Variants in SGCZ observed in about 807,000 individuals in gnomAD.
The protein encoded by SGCZ is zeta-sarcoglycan.
In SGCZ, 40 loss-of-function variants were observed where a neutral mutation model predicts 41.3. The ratio of observed to expected loss-of-function variants is 0.97; its 90% confidence interval spans 0.75 to 1.26. SGCZ has a LOEUF of 1.26. Among genes scored for constraint, SGCZ ranks in the 50% most tolerant of loss-of-function variants. The pLI is 0.00. For missense variants in SGCZ, 552 were observed against 369.8 expected (o/e 1.49, Z -4.04); for synonymous variants, 206 against 137.5 (o/e 1.50, Z -3.49).
chr8:14,573,082 G>A (rs1048881238), intron 1 of SGCZ, among the ~76,000 whole-genome samples: 16 of 151,954 alleles, frequency 1.1e-4, no homozygotes, highest in Admixed American at 2.0e-4. Context: ...ACTGGTGGTA[G>A]GTAGTTATTA....
At chr8:14,254,313 G>T (rs549735491) in intron 3 of SGCZ, among the ~76,000 whole-genome samples, 4 of 152,304 alleles carry the variant, frequency 2.6e-5, no homozygotes, top group South Asian at 4.1e-4. Context: ...ACTAGCATTT[G>T]ATCTTCGCTC....
At chr8:14,733,364 A>G (rs1380109336) in intron 1 of SGCZ, among the ~76,000 whole-genome samples, 1 of 152,144 alleles carries the variant, frequency 6.6e-6, no homozygotes, top group Admixed American at 6.6e-5. Flanking sequence ...TCTGCCTCCT[A>G]ACCAACCCTA....
At chr8:14,944,162 C>T (rs1407559574) in intron 1 of SGCZ, among the ~76,000 whole-genome samples, 1 of 152,186 alleles carries the variant, frequency 6.6e-6, no homozygotes, top group African/African-American at 2.4e-5. Context: ...GTGGGGCCTG[C>T]AGGCTGAAGG....
chr8:14,785,305 A>G (rs926523217), intron 1 of SGCZ, among the ~76,000 whole-genome samples: 6 of 152,062 alleles, frequency 3.9e-5, no homozygotes, highest in African/African-American at 1.2e-4. Context: ...TCCTTTCTCA[A>G]CTGAGATCTG....
At chr8:15,088,701 T>C (rs892820124) in intron 1 of SGCZ, among the ~76,000 whole-genome samples, 13 of 152,268 alleles carry the variant, frequency 8.5e-5, no homozygotes, top group African/African-American at 3.1e-4. Flanking sequence ...CCTGCACTTA[T>C]ATAAGCCTCT....
chr8:14,424,579 T>A (rs781250917), intron 2 of SGCZ, among the ~76,000 whole-genome samples: 5 of 152,160 alleles, frequency 3.3e-5, no homozygotes, highest in Admixed American at 2.0e-4. Context: ...GGAACTACTA[T>A]ATCATCTATA....
At chr8:14,851,670 T>C (rs1585318340) in intron 1 of SGCZ, among the ~76,000 whole-genome samples, 3 of 152,294 alleles carry the variant, frequency 2.0e-5, no homozygotes, top group Middle Eastern at 3.4e-3. Flanking sequence ...TTTAATACTT[T>C]TGTATCTTAG....
intron 1 of SGCZ, among the ~76,000 whole-genome samples, chr8:14,624,708 C>G (rs1353220769): frequency 1.3e-5 from 2 of 151,316 alleles, no homozygotes; most frequent in African/African-American, 4.9e-5. Context: ...GTAACTGGCA[C>G]TACAGATGTG....
intron 2 of SGCZ, among the ~76,000 whole-genome samples, chr8:14,518,128 T>C (rs1456099018): frequency 6.6e-6 from 1 of 151,924 alleles, no homozygotes; most frequent in African/African-American, 2.4e-5. Context: ...TTTTTTCTTC[T>C]CTCTCTAAAA....
chr8:14,213,507 A>G (rs1158468145), intron 4 of SGCZ, among the ~76,000 whole-genome samples: 2 of 152,182 alleles, frequency 1.3e-5, no homozygotes, highest in Admixed American at 1.3e-4. Flanking sequence ...AAGAAAAAAT[A>G]AGAGAATATG....
At chr8:14,893,182 C>A (rs1257260746) in intron 1 of SGCZ, among the ~76,000 whole-genome samples, 1 of 152,010 alleles carries the variant, frequency 6.6e-6, no homozygotes, top group Non-Finnish European at 1.5e-5. Context: ...TTGGGGTTCA[C>A]AGAAAGAGAT....
At chr8:14,107,683 G>A (rs1050176854) in intron 6 of SGCZ, among the ~76,000 whole-genome samples, 10 of 152,018 alleles carry the variant, frequency 6.6e-5, no homozygotes, top group African/African-American at 2.4e-4. Flanking sequence ...GTGTTGCCCA[G>A]GCTGGAGCAC....
intron 1 of SGCZ, among the ~76,000 whole-genome samples, chr8:14,946,902 C>T (rs1436908500): frequency 6.6e-6 from 1 of 151,992 alleles, no homozygotes; most frequent in Non-Finnish European, 1.5e-5. Context: ...TTTCGAACTC[C>T]TGACCTCATG....
intron 1 of SGCZ, among the ~76,000 whole-genome samples, chr8:14,783,577 A>AT (rs111663576): frequency 3.3e-5 from 5 of 151,822 alleles, no homozygotes; most frequent in East Asian, 1.9e-4. Context: ...TAACATAATA[A>AT]TTTTTTTTTC....
intron 2 of SGCZ, among the ~76,000 whole-genome samples, chr8:14,402,517 T>G (rs576079372): frequency 0.028 from 4,205 of 147,958 alleles, 228 homozygotes; most frequent in African/African-American, 0.1. Context: ...GGCTAGCCAG[T>G]TTTCCCAGCA....
intron 3 of SGCZ, among the ~76,000 whole-genome samples, chr8:14,281,865 G>C (rs1328090858): frequency 5.6e-5 from 1 of 17,914 alleles, no homozygotes; most frequent in Non-Finnish European, 1.4e-3. Context: ...GAACCATACT[G>C]TTCTTTTTTT....
chr8:14,276,840 T>C (rs1800253513), intron 3 of SGCZ, among the ~76,000 whole-genome samples: 1 of 152,128 alleles, frequency 6.6e-6, no homozygotes, highest in Non-Finnish European at 1.5e-5. Flanking sequence ...ATCCTCTCCA[T>C]AGGGTGGACA....
intron 1 of SGCZ, among the ~76,000 whole-genome samples, chr8:14,968,661 G>C (rs989609450): frequency 1.3e-5 from 2 of 152,062 alleles, no homozygotes; most frequent in Admixed American, 1.3e-4. Context: ...AAGTGACATT[G>C]GTAAGAGGAG....
chr8:14,855,880 T>G (rs1253824849), intron 1 of SGCZ, among the ~76,000 whole-genome samples: 5 of 152,126 alleles, frequency 3.3e-5, no homozygotes, highest in Non-Finnish European at 5.9e-5. Flanking sequence ...ACAATGTTGG[T>G]GATTTGAGAT....
Sources: gnomAD v4.1 joint callset for allele counts (sites outside exome capture counted in the v4.1 genomes callset) on GRCh38, gnomAD v4.1.1 for gene constraint, MANE v1.5 for transcripts, NCBI Gene and HGNC (gene_info 2026-07-23, HGNC 2026-07-21) for gene names.